Variants in SLC17A1 observed in about 807,000 individuals in gnomAD.
SLC17A1 encodes the protein solute carrier family 17 member 1, also known as sodium-dependent phosphate transport protein 1.
A neutral mutation model predicts 53.5 loss-of-function variants in SLC17A1; 51 were observed. The observed-to-expected ratio is 0.95, with a 90% CI of 0.76 to 1.20. The LOEUF (loss-of-function observed/expected upper bound fraction) is 1.20. Among genes scored for constraint, SLC17A1 ranks in the 50% most tolerant of loss-of-function variants. The pLI, the probability that SLC17A1 is intolerant of heterozygous loss-of-function variation, is 0.00. For missense variants in SLC17A1, 538 were observed against 568.2 expected, an observed-to-expected ratio of 0.95 and a Z score of 0.54; for synonymous variants, 179 against 198.8, an observed-to-expected ratio of 0.90 and a Z score of 0.84.
At chr6:25,761,893 C>A in the SLC17A1 span, 1 of 1,261,218 alleles carries the variant, frequency 7.9e-7, no homozygotes, top group South Asian at 1.3e-5. Context: ...ATAAGATTCT[C>A]CCTGTATTTT....
the SLC17A1 span, chr6:25,777,895 G>A: frequency 1.9e-6 from 3 of 1,573,784 alleles, no homozygotes; most frequent in Non-Finnish European, 2.6e-6. Flanking sequence ...GGTATACTTG[G>A]TTATAATAGA....
At chr6:25,761,910 T>C in the SLC17A1 span, 1 of 1,438,590 alleles carries the variant, frequency 7.0e-7, no homozygotes, top group Non-Finnish European at 9.7e-7. Context: ...TTTTCTTTTG[T>C]ATTCTTTTTA....
At chr6:25,811,375 A>T (rs755278038) in intron 10 of SLC17A1, 23 bp downstream of exon 10, 15 of 1,584,120 alleles carry the variant, frequency 9.5e-6, no homozygotes, top group Non-Finnish European at 1.3e-5. Flanking sequence ...AAGGTTAAAA[A>T]AAAGCGTATA....
At chr6:25,752,968 A>C in the SLC17A1 span, among the ~76,000 whole-genome samples, 3 of 102,052 alleles carry the variant, frequency 2.9e-5, no homozygotes, top group East Asian at 3.0e-4. Flanking sequence ...ACAAAAAAAA[A>C]CAAAAAAAAA....
At chr6:25,787,929 G>A (rs1036742797) in intron 12 of SLC17A1, among the ~76,000 whole-genome samples, 1 of 152,110 alleles carries the variant, frequency 6.6e-6, no homozygotes, top group South Asian at 2.1e-4. Context: ...CTGAGGATTC[G>A]CCCAGTCTTC....
At chr6:25,795,515 A>AT (rs201667236) in intron 12 of SLC17A1, among the ~76,000 whole-genome samples, 12 of 152,126 alleles carry the variant, frequency 7.9e-5, no homozygotes, top group Non-Finnish European at 1.3e-4. Flanking sequence ...GATAAGGAGG[A>AT]TTTTTTTTAA....
At chr6:25,727,175 C>T in the SLC17A1 span, 3 of 1,614,034 alleles carry the variant, frequency 1.9e-6, no homozygotes, top group African/African-American at 4.0e-5. Context: ...GCAAGCGCTC[C>T]ACCATTTCTT....
chr6:25,809,467 AG>A (rs1242311931), intron 10 of SLC17A1, among the ~76,000 whole-genome samples: 1 of 152,068 alleles, frequency 6.6e-6, no homozygotes, highest in Non-Finnish European at 1.5e-5. Context: ...AACTCTCCCT[AG>A]TTACAGTGAA....
At chr6:25,784,137 C>T (rs1302498473) in intron 12 of SLC17A1, among the ~76,000 whole-genome samples, 3 of 152,118 alleles carry the variant, frequency 2.0e-5, no homozygotes, top group Admixed American at 6.6e-5. Flanking sequence ...TACAAATAGA[C>T]ATTTTCTGGG....
At chr6:25,825,144 G>A (rs1054513098) in intron 3 of SLC17A1, among the ~76,000 whole-genome samples, 1 of 151,906 alleles carries the variant, frequency 6.6e-6, no homozygotes, top group African/African-American at 2.4e-5. Flanking sequence ...TAGAATATTT[G>A]AGGATCTTTA....
At position 25,819,584 on chromosome 6, in the gene SLC17A1, T is replaced by C; in HGVS notation, c.456A>G (p.Thr152=). Residue 152 remains threonine (T), a synonymous_variant, in exon 5 of 13, where the codon ACA becomes ACG. Coordinates refer to ENST00000244527, the MANE Select transcript of SLC17A1 (RefSeq NM_005074.5). ...VQGAAQGIVA[T]AQFEIYVKWA... The stretch of plus-strand genomic sequence containing the variant: ...ATTTGACATATATTTCAAACTGGGC[T>C]GTTGCAACTATCCCCTGAAATGAGA... 2 of 1,614,124 alleles carry C rather than the reference T, an allele frequency of 1.2e-6. No individual in the cohort carries two copies. Among genetic ancestry groups the C allele is most frequent in the South Asian group, 1.1e-5 (1 of 91,086 alleles).
In SLC17A1 at chr6:25,812,993, C is replaced by A; in HGVS notation, c.736-1G>T. On this transcript the variant is annotated splice_acceptor_variant, in intron 7 of 12. Transcript: ENST00000244527. LOFTEE classifies it high-confidence loss of function. The stretch of plus-strand genomic sequence containing the variant: ...GCAGAGATTGTCTACTTGAACTGAC[C>A]TGGAGAGAAATTCATTAAGAATTAG... The A allele has an allele frequency of 6.2e-7, 1 of 1,613,750 alleles. No homozygotes were observed. Among genetic ancestry groups the A allele is most frequent in the Non-Finnish European group, 8.5e-7 (1 of 1,179,854 alleles).
intron 11 of SLC17A1, 115 bp from the exon 12 acceptor site, chr6:25,799,034 A>C (rs1435189309): frequency 1.0e-6 from 1 of 985,438 alleles, no homozygotes; most frequent in African/African-American, 1.6e-5. Context: ...AATATGGAAA[A>C]ACATACTTAT....
At chr6:25,770,408 TC>T in the SLC17A1 span, 1 of 1,614,106 alleles carries the variant, frequency 6.2e-7, no homozygotes. Context: ...TGGTCAGTAT[TC>T]AATTTGGGTC....
At chr6:25,794,870 G>C (rs1165878773) in intron 12 of SLC17A1, among the ~76,000 whole-genome samples, 1 of 152,214 alleles carries the variant, frequency 6.6e-6, no homozygotes, top group African/African-American at 2.4e-5. Flanking sequence ...GCAAGGCCAT[G>C]ATTCTGCCTT....
At position 25,826,647 on chromosome 6, in the gene SLC17A1, C is replaced by T; in HGVS notation, c.35-14G>A. Reference sequence around the variant, plus strand: ...AGAAACCTGGAACTACAAAGTAAAACAGAAAGTCGCAATTGCTGACAGAGC... The same window carrying T: ...AGAAACCTGGAACTACAAAGTAAAATAGAAAGTCGCAATTGCTGACAGAGC... On this transcript the variant is annotated splice_polypyrimidine_tract_variant and intron_variant, in intron 2 of 12. Transcript: ENST00000244527. The T allele has an allele frequency of 6.5e-7, 1 of 1,538,864 alleles. No individual in the cohort carries two copies. The highest frequency in any genetic ancestry group is 1.2e-5 in the South Asian group (1 of 80,122).
downstream of SLC17A1, chr6:25,778,149 T>C (rs1581432830): frequency 4.9e-6 from 3 of 613,916 alleles, no homozygotes; most frequent in African/African-American, 3.7e-5. Flanking sequence ...CATGATGACT[T>C]AAGAATTAAA....
chr6:25,739,597 T>C, the SLC17A1 span, among the ~76,000 whole-genome samples: 3 of 152,190 alleles, frequency 2.0e-5, no homozygotes. Context: ...CATGAAATAT[T>C]ACTCAGCAAC....
At chr6:25,726,968 C>T in the SLC17A1 span, 168 of 1,613,974 alleles carry the variant, frequency 1.0e-4, no homozygotes, top group African/African-American at 1.8e-3. Context: ...AGAAAGCTGT[C>T]GTTAAGACCC....
Sources: allele counts gnomAD v4.1 joint callset (sites outside exome capture counted in the v4.1 genomes callset), GRCh38; gene constraint gnomAD v4.1.1; transcripts MANE v1.5; gene names NCBI Gene and HGNC (gene_info 2026-07-23, HGNC 2026-07-21).